The following MDGA2 variants were observed in gnomAD, a reference collection of about 807,000 sequenced individuals.
MDGA2 encodes MAM domain containing glycosylphosphatidylinositol anchor 2.
MDGA2 carries 40 observed loss-of-function variants against 117.8 expected under a neutral mutation model. The ratio of observed to expected loss-of-function variants is 0.34; its 90% confidence interval spans 0.26 to 0.44. The LOEUF is 0.44. Ranked by LOEUF, MDGA2 falls within the 20% of genes least tolerant of loss-of-function variation. The pLI, the probability that MDGA2 is intolerant of heterozygous loss-of-function variation, is 1.00. For missense variants in MDGA2, 1,123 were observed against 1,250.6 expected (o/e 0.90, Z 1.54); for synonymous variants, 452 against 439.0 (o/e 1.03, Z -0.37).
intron 1 of MDGA2, among the ~76,000 whole-genome samples, chr14:47,443,631 G>T (rs1038872526): frequency 3.9e-5 from 6 of 152,044 alleles, no homozygotes; most frequent in Non-Finnish European, 8.8e-5. Context: ...TATAATAAAA[G>T]AATATCAAAT....
intron 10 of MDGA2, among the ~76,000 whole-genome samples, chr14:46,908,186 G>A (rs574763408): frequency 6.6e-6 from 1 of 152,184 alleles, no homozygotes; most frequent in Admixed American, 6.5e-5. Flanking sequence ...AATTTCAGAA[G>A]CTAAAAATGT....
chr14:47,202,581 G>C (rs754483240), intron 3 of MDGA2, among the ~76,000 whole-genome samples: 1 of 152,110 alleles, frequency 6.6e-6, no homozygotes, highest in Non-Finnish European at 1.5e-5. Flanking sequence ...CTCTGACTTT[G>C]TGTCAGCCAT....
intron 1 of MDGA2, among the ~76,000 whole-genome samples, chr14:47,667,567 A>G (rs2138310378): frequency 6.6e-6 from 1 of 152,266 alleles, no homozygotes; most frequent in Non-Finnish European, 1.5e-5. Flanking sequence ...CACTACAACA[A>G]AGTTCTAGTG....
intron 1 of MDGA2, among the ~76,000 whole-genome samples, chr14:47,551,882 G>C (rs1679262766): frequency 6.6e-6 from 1 of 152,014 alleles, no homozygotes; most frequent in Non-Finnish European, 1.5e-5. Context: ...GGAGCGGTAA[G>C]AGGAAATTAA....
intron 9 of MDGA2, among the ~76,000 whole-genome samples, chr14:46,953,794 T>A (rs1885456627): frequency 6.6e-6 from 1 of 152,006 alleles, no homozygotes; most frequent in South Asian, 2.1e-4. Context: ...TGCTAAATAT[T>A]TAGGAATATC....
intron 1 of MDGA2, among the ~76,000 whole-genome samples, chr14:47,527,760 T>G (rs1895002882): frequency 6.6e-6 from 1 of 152,154 alleles, no homozygotes; most frequent in South Asian, 2.1e-4. Flanking sequence ...GGAACTATTT[T>G]GAGCACAGCA....
chr14:47,647,498 CATAAG>C (rs1166896391), intron 1 of MDGA2, among the ~76,000 whole-genome samples: 41 of 152,070 alleles, frequency 2.7e-4, no homozygotes. Flanking sequence ...GACTGAATGT[CATAAG>C]ATTTTTCATC....
At chr14:47,266,801 G>A (rs142428439) in intron 2 of MDGA2, among the ~76,000 whole-genome samples, 1 of 152,270 alleles carries the variant, frequency 6.6e-6, no homozygotes, top group African/African-American at 2.4e-5. Context: ...CACTTCCAGT[G>A]TAATTTGATT....
intron 1 of MDGA2, among the ~76,000 whole-genome samples, chr14:47,352,296 C>T (rs1319704323): frequency 6.6e-6 from 1 of 152,142 alleles, no homozygotes; most frequent in East Asian, 1.9e-4. Context: ...CACACGTGCT[C>T]TCCCTGCTGA....
At chr14:46,870,256 T>C (rs952132954) in intron 14 of MDGA2, among the ~76,000 whole-genome samples, 1 of 152,000 alleles carries the variant, frequency 6.6e-6, no homozygotes, top group Non-Finnish European at 1.5e-5. Flanking sequence ...TGGTATACTG[T>C]CCTTTAGTCA....
chr14:46,986,927 T>C (rs771576651), intron 8 of MDGA2, among the ~76,000 whole-genome samples: 1 of 152,102 alleles, frequency 6.6e-6, no homozygotes, highest in African/African-American at 2.4e-5. Flanking sequence ...TTATAACTCA[T>C]GAAGGCAACT....
intron 4 of MDGA2, among the ~76,000 whole-genome samples, chr14:47,140,990 A>T (rs1385624075): frequency 6.6e-6 from 1 of 152,100 alleles, no homozygotes; most frequent in Non-Finnish European, 1.5e-5. Flanking sequence ...CAAAAGATGT[A>T]AATAGACATT....
intron 9 of MDGA2, among the ~76,000 whole-genome samples, chr14:46,938,559 A>AAAAAAAAAAAAAAAAAAAAAAG (rs1566535268): frequency 6.7e-6 from 1 of 149,040 alleles, no homozygotes; most frequent in African/African-American, 2.4e-5. Flanking sequence ...AAAAAAAAAA[A>AAAAAAAAAAAAAAAAAAAAAAG]AGAGACATCA....
At chr14:47,664,163 G>T (rs1037799155) in intron 1 of MDGA2, among the ~76,000 whole-genome samples, 1 of 152,050 alleles carries the variant, frequency 6.6e-6, no homozygotes, top group African/African-American at 2.4e-5. Flanking sequence ...TAAACTACAC[G>T]TGCATCGAAA....
Position 47,675,118 on chromosome 14 carries a change from G to A in MDGA2, c.-322C>T, listed in dbSNP as rs1007896315. On this transcript the variant is annotated 5_prime_UTR_variant, in exon 1 of 17. Transcript: ENST00000399232. Reference sequence around the variant, plus strand: ...GCCTCTGACCCAGGACACCGAGCAGGGCTCTCTTGCCTGGATTCGCCTTTA... The same window carrying A: ...GCCTCTGACCCAGGACACCGAGCAGAGCTCTCTTGCCTGGATTCGCCTTTA... 8.6e-5 allele frequency among the ~76,000 whole-genome samples: 13 copies of A among 152,014 alleles called. No individual in the cohort carries two copies. The highest frequency in any genetic ancestry group is 2.0e-4 in the Admixed American group (3 of 15,274).
downstream of MDGA2, among the ~76,000 whole-genome samples, chr14:46,839,658 T>C (rs1473824626): frequency 6.6e-6 from 1 of 151,908 alleles, no homozygotes; most frequent in African/African-American, 2.4e-5. Flanking sequence ...CCAGATATTG[T>C]GTACTTGAAT....
At chr14:47,464,804 C>A (rs1203239561) in intron 1 of MDGA2, among the ~76,000 whole-genome samples, 1 of 152,116 alleles carries the variant, frequency 6.6e-6, no homozygotes, top group African/African-American at 2.4e-5. Flanking sequence ...CAAAGACATT[C>A]TTCACAGAAC....
At chr14:46,948,412 C>A (rs1375285359) in intron 9 of MDGA2, among the ~76,000 whole-genome samples, 1 of 151,946 alleles carries the variant, frequency 6.6e-6, no homozygotes, top group African/African-American at 2.4e-5. Flanking sequence ...ACGGAGAGAT[C>A]TGGTTGCAGT....
At chr14:46,901,469 G>T (rs975003059) in intron 10 of MDGA2, among the ~76,000 whole-genome samples, 1 of 152,088 alleles carries the variant, frequency 6.6e-6, no homozygotes, top group African/African-American at 2.4e-5. Flanking sequence ...AAAGTCAGTG[G>T]AACAATATTT....
Sources: allele counts gnomAD v4.1 joint callset (sites outside exome capture counted in the v4.1 genomes callset), GRCh38; gene constraint gnomAD v4.1.1; transcripts MANE v1.5; gene names NCBI Gene and HGNC (gene_info 2026-07-23, HGNC 2026-07-21).